The following UNC13C variants were observed in gnomAD, a reference collection of about 807,000 sequenced individuals.
UNC13C encodes the protein protein unc-13 homolog C.
UNC13C carries 174 observed loss-of-function variants against 245.4 expected under a neutral mutation model. The observed-to-expected ratio is 0.71, with a 90% confidence interval of 0.63 to 0.80. The LOEUF (loss-of-function observed/expected upper bound fraction) is 0.80, where lower values mean the gene tolerates loss of function less well. Ranked by LOEUF, UNC13C falls within the 30% of genes least tolerant of loss-of-function variation. The pLI is 0.00. For missense variants in UNC13C, 2,829 were observed against 2,602.9 expected (o/e 1.09, Z -1.89); for synonymous variants, 992 against 895.1 (o/e 1.11, Z -1.93).
chr15:54,352,057 T>C (rs571396291), intron 17 of UNC13C, among the ~76,000 whole-genome samples: 6 of 151,788 alleles, frequency 4.0e-5, no homozygotes, highest in Non-Finnish European at 8.9e-5. Context: ...TAAAATATCA[T>C]TTACTCAGTG....
chr15:54,589,701 G>A (rs1398552198), intron 30 of UNC13C, among the ~76,000 whole-genome samples: 1 of 130,784 alleles, frequency 7.6e-6, no homozygotes, highest in Non-Finnish European at 1.5e-5. Flanking sequence ...GTAGATTCTG[G>A]ATATTAGTCC....
chr15:54,248,430 A>G (rs2036053764), intron 7 of UNC13C, among the ~76,000 whole-genome samples: 1 of 152,204 alleles, frequency 6.6e-6, no homozygotes, highest in African/African-American at 2.4e-5. Context: ...TTTTAATGAT[A>G]GTGAAGATAC....
chr15:54,546,828 C>T lies in UNC13C; in HGVS notation c.5803C>T (p.Pro1935Ser). The change falls in exon 27 of 33, where the codon CCT becomes TCT. Residue 1935 changes from proline (P) to serine (S), a missense_variant. Transcript: ENST00000260323. ...NKIEKQIVLP[P>S]LTDQTGPQMI... The stretch of plus-strand genomic sequence containing the variant: ...AATAGAAAAACAAATTGTTCTTCCT[C>T]CTCTGACAGATCAAACAGTAAGTAT... 1.3e-6 allele frequency: 2 copies of T among 1,581,168 alleles called. No homozygotes were observed.
At position 54,321,168 on chromosome 15, in the gene UNC13C, G is replaced by A. The variant is rs991876439; in HGVS notation, c.4269-771G>A. 5.8e-6 allele frequency: 3 copies of A among 517,206 alleles called. No homozygotes were observed. The Admixed American group carries it at 5.9e-5, about 10-fold the overall frequency. 32.0% of individuals were successfully genotyped at this position (517,206 alleles called of 1,614,324 possible). Reference sequence around the variant, plus strand: ...GGGCTTTTCTTACTTCACAGTTGTGGCCATTCACAGTAAGGTGTTTCTGAA... The same window carrying A: ...GGGCTTTTCTTACTTCACAGTTGTGACCATTCACAGTAAGGTGTTTCTGAA... On this transcript the variant is annotated intron_variant, in intron 13 of 32. Transcript: ENST00000260323.
chr15:53,961,938 C>A, the UNC13C span, among the ~76,000 whole-genome samples: 1 of 152,142 alleles, frequency 6.6e-6, no homozygotes, highest in Non-Finnish European at 1.5e-5. Context: ...TTCACTTATT[C>A]TTCTTTCTTA....
At chr15:53,931,340 T>C in the UNC13C span, among the ~76,000 whole-genome samples, 1 of 152,082 alleles carries the variant, frequency 6.6e-6, no homozygotes, top group South Asian at 2.1e-4. Context: ...GGCTAATTTT[T>C]GTATTTTTAG....
intron 4 of UNC13C, among the ~76,000 whole-genome samples, chr15:54,147,789 C>CGTGCGTGTGTGTGTGTGT (rs1555423229): frequency 4.7e-5 from 7 of 147,476 alleles, no homozygotes; most frequent in African/African-American, 1.0e-4. Flanking sequence ...AAGGTGTGTG[C>CGTGCGTGTGTGTGTGTGT]GTGTGTGTGT....
intron 4 of UNC13C, among the ~76,000 whole-genome samples, chr15:54,206,097 T>C (rs1465518047): frequency 6.6e-6 from 1 of 152,108 alleles, no homozygotes; most frequent in African/African-American, 2.4e-5. Context: ...TGTGGATTTG[T>C]AGTAAATATT....
At chr15:54,596,660 T>C (rs542258696) in intron 30 of UNC13C, among the ~76,000 whole-genome samples, 7 of 152,252 alleles carry the variant, frequency 4.6e-5, no homozygotes, top group Admixed American at 1.3e-4. Flanking sequence ...GTGTTGGAGG[T>C]GGGATCTAGT....
intron 24 of UNC13C, among the ~76,000 whole-genome samples, chr15:54,514,311 G>A (rs947662623): frequency 2.0e-5 from 3 of 152,182 alleles, no homozygotes; most frequent in African/African-American, 7.2e-5. Context: ...GTTATACAAT[G>A]TGTTCTAATT....
the UNC13C span, among the ~76,000 whole-genome samples, chr15:53,846,152 G>T: frequency 6.6e-6 from 1 of 152,098 alleles, no homozygotes; most frequent in Non-Finnish European, 1.5e-5. Context: ...ATGTTCAGTA[G>T]GTTCGGTGCA....
chr15:54,368,174 T>A (rs559603075), intron 17 of UNC13C, among the ~76,000 whole-genome samples: 2 of 152,156 alleles, frequency 1.3e-5, no homozygotes, highest in African/African-American at 4.8e-5. Context: ...CACTTTACCC[T>A]ATGTTTTTGG....
At chr15:54,589,665 T>C (rs1239779603) in intron 30 of UNC13C, among the ~76,000 whole-genome samples, 1 of 152,070 alleles carries the variant, frequency 6.6e-6, no homozygotes, top group African/African-American at 2.4e-5. Context: ...ATCAGATTTT[T>C]TTTTTCTTAC....
intron 26 of UNC13C, among the ~76,000 whole-genome samples, chr15:54,543,050 C>T (rs1223845431): frequency 9.9e-5 from 15 of 152,074 alleles, no homozygotes; most frequent in Admixed American, 3.3e-4. Flanking sequence ...TATGATGCTA[C>T]CTGGTTATTT....
intron 2 of UNC13C, among the ~76,000 whole-genome samples, chr15:54,018,933 A>G (rs1895778514): frequency 6.6e-6 from 1 of 152,214 alleles, no homozygotes; most frequent in African/African-American, 2.4e-5. Flanking sequence ...AAATAAAAAA[A>G]CACAAACTTT....
chr15:54,210,237 AATAT>A (rs5812750), intron 4 of UNC13C, among the ~76,000 whole-genome samples: 46,821 of 146,070 alleles, frequency 0.32, 7,588 homozygotes, highest in East Asian at 0.37. Context: ...TAACTGCATT[AATAT>A]ATATATATAT....
At chr15:54,255,074 G>T (rs765524673) in intron 8 of UNC13C, among the ~76,000 whole-genome samples, 3 of 152,142 alleles carry the variant, frequency 2.0e-5, no homozygotes, top group Non-Finnish European at 2.9e-5. Flanking sequence ...GTATACAGAT[G>T]GGTAGGGAGC....
Position 54,264,241 on chromosome 15 carries a change from A to C in UNC13C, c.3522A>C (p.Arg1174Ser), listed in dbSNP as rs565769380. 6 of 1,597,618 alleles carry C rather than the reference A, an allele frequency of 3.8e-6. 1 individual carries two copies. The Middle Eastern group carries it at 8.3e-4, about 220-fold the overall frequency. The part of the protein sequence containing the change: ...TQTIITAMKE[R>S]MKIREKNRPE... ...CCATTATTACAGCAATGAAAGAAAG[A>C]ATGAAGATCAGGGAGAAAAACCGGC... The change falls in exon 9 of 33, where the codon AGA (arginine) becomes AGC (serine). Residue 1174 changes from arginine to serine, a missense_variant. By Grantham distance (110) the Arg-to-Ser change is moderately radical. Transcript: ENST00000260323.
rs138316810 is a variant in UNC13C at position 54,156,024 on chromosome 15, C to G, written c.3071+12340C>G. On this transcript the variant is annotated intron_variant, in intron 4 of 32. Coordinates refer to ENST00000260323, the MANE Select transcript of UNC13C (RefSeq NM_001080534.3). ...ATATTAACCTTTGAATAACATATTT[C>G]TGTAATTTGAAATACCTACATCTTG... Among the ~76,000 whole-genome samples, 535 of 152,256 alleles carry G rather than the reference C, an allele frequency of 3.5e-3. 6 individuals carry two copies. The highest frequency in any genetic ancestry group is 0.013 in the African/African-American group (526 of 41,536).
Sources: allele counts gnomAD v4.1 joint callset (sites outside exome capture counted in the v4.1 genomes callset), GRCh38; gene constraint gnomAD v4.1.1; transcripts MANE v1.5; gene names NCBI Gene and HGNC (gene_info 2026-07-23, HGNC 2026-07-21).